Variants in ADAMTS19 observed in about 807,000 individuals in gnomAD.
ADAMTS19 encodes A disintegrin and metalloproteinase with thrombospondin motifs 19.
ADAMTS19 carries 93 observed loss-of-function variants against 153.3 expected under a neutral mutation model. That is an observed-to-expected ratio of 0.61 (90% confidence interval 0.51 to 0.72). ADAMTS19 has a LOEUF of 0.72. Ranked by LOEUF, ADAMTS19 falls within the 30% of genes least tolerant of loss-of-function variation. ADAMTS19 has a pLI of 0.00. For synonymous variants in ADAMTS19, 600 were observed against 556.6 expected (o/e 1.08, Z -1.10); for missense variants, 1,482 against 1,552.1 (o/e 0.95, Z 0.76).
intron 17 of ADAMTS19, among the ~76,000 whole-genome samples, chr5:129,682,851 A>G (rs1261874824): frequency 1.3e-5 from 2 of 152,140 alleles, no homozygotes; most frequent in African/African-American, 2.4e-5. Context: ...GCACATCAAA[A>G]TACATCTTAG....
chr5:129,736,445 A>G (rs1757670662), intron 22 of ADAMTS19, among the ~76,000 whole-genome samples: 1 of 152,098 alleles, frequency 6.6e-6, no homozygotes, highest in Non-Finnish European at 1.5e-5. Flanking sequence ...CTGTTTTACA[A>G]AAAGGGAGGC....
intron 14 of ADAMTS19, among the ~76,000 whole-genome samples, chr5:129,654,739 A>T (rs1229960492): frequency 6.6e-6 from 1 of 152,154 alleles, no homozygotes; most frequent in Non-Finnish European, 1.5e-5. Flanking sequence ...TTATGTCAAA[A>T]TATTTCAGAC....
intron 6 of ADAMTS19, among the ~76,000 whole-genome samples, chr5:129,551,535 T>G (rs2126823053): frequency 6.7e-6 from 1 of 148,872 alleles, no homozygotes; most frequent in South Asian, 2.1e-4. Context: ...ATTTTTCAAA[T>G]GGAAAGCCTT....
At chr5:129,466,703 A>G (rs1398009549) in intron 2 of ADAMTS19, among the ~76,000 whole-genome samples, 1 of 152,220 alleles carries the variant, frequency 6.6e-6, no homozygotes, top group Non-Finnish European at 1.5e-5. Flanking sequence ...ATAGGAATGC[A>G]TTTAAAAAAT....
intron 3 of ADAMTS19, 53 bp downstream of exon 3, chr5:129,509,295 T>C: frequency 6.6e-7 from 1 of 1,503,908 alleles, no homozygotes; most frequent in Non-Finnish European, 9.0e-7. Flanking sequence ...GTGAGATGAC[T>C]ACTTTAAAAA....
intron 10 of ADAMTS19, among the ~76,000 whole-genome samples, chr5:129,627,084 C>T (rs1752084191): frequency 6.6e-6 from 1 of 151,962 alleles, no homozygotes; most frequent in Non-Finnish European, 1.5e-5. Context: ...ATTACACATC[C>T]AAGTAGGAAT....
chr5:129,493,070 A>T (rs1207058649), intron 2 of ADAMTS19, among the ~76,000 whole-genome samples: 2 of 152,150 alleles, frequency 1.3e-5, no homozygotes, highest in Non-Finnish European at 2.9e-5. Context: ...TCTAATTTTG[A>T]ATTTAACCCA....
At position 129,622,304 on chromosome 5, in the gene ADAMTS19, C is replaced by A; in HGVS notation, c.1726C>A (p.Gln576Lys). ...GMTYTADEQCQILFGPLASFC... is the reference protein window; with the variant it reads ...GMTYTADEQCKILFGPLASFC... ...GACATACACTGCTGATGAACAATGC[C>A]AGATCCTTTTTGGGCCATTGGCTTC... Residue 576 changes from glutamine (Q) to lysine (K), a missense_variant, in exon 10 of 23, where the codon CAG becomes AAG. By Grantham distance (53) the Gln-to-Lys change is moderately conservative. Coordinates refer to ENST00000274487, the MANE Select transcript of ADAMTS19 (RefSeq NM_133638.6). 6.2e-7 allele frequency: 1 copy of A among 1,614,026 alleles called. No individual in the cohort carries two copies. Among genetic ancestry groups the A allele is most frequent in the South Asian group, 1.1e-5 (1 of 91,080 alleles).
At chr5:129,669,001 A>G (rs6868538) in intron 16 of ADAMTS19, among the ~76,000 whole-genome samples, 21 of 152,168 alleles carry the variant, frequency 1.4e-4, no homozygotes, top group African/African-American at 4.8e-4. Context: ...CTACAAAGCT[A>G]TGGTAATTAA....
chr5:129,671,348 C>T (rs1344318310), intron 16 of ADAMTS19, among the ~76,000 whole-genome samples: 1 of 152,072 alleles, frequency 6.6e-6, no homozygotes, highest in Non-Finnish European at 1.5e-5. Context: ...GTAATAGTAA[C>T]ACCAATGTAG....
At chr5:129,691,399 G>C (rs992391255) in intron 18 of ADAMTS19, among the ~76,000 whole-genome samples, 2 of 152,154 alleles carry the variant, frequency 1.3e-5, no homozygotes, top group Admixed American at 6.5e-5. Flanking sequence ...CAGGCAGAAG[G>C]TCAGTTATTT....
Position 129,620,662 on chromosome 5 carries a change from G to A in ADAMTS19, c.1523G>A (p.Gly508Asp), listed in dbSNP as rs1471070382. The A allele has an allele frequency of 2.5e-6, 4 of 1,612,514 alleles. No homozygotes were observed. The South Asian group carries it at 4.4e-5, about 18-fold the overall frequency. Residue 508 changes from glycine (G) to aspartate (D), a missense_variant, in exon 9 of 23, where the codon GGT (glycine) becomes GAT (aspartate). Transcript: ENST00000274487. ...HDNDHPSCAD[G>D]LHIMSGEWIK... ...AATGACCACCCATCGTGTGCTGATG[G>A]TCTTCATATCATGTCTGGTGAATGG...
At chr5:129,501,175 G>T (rs936988983) in intron 2 of ADAMTS19, among the ~76,000 whole-genome samples, 9 of 151,998 alleles carry the variant, frequency 5.9e-5, no homozygotes, top group Non-Finnish European at 1.2e-4. Flanking sequence ...GATCAGAAAA[G>T]ATTGTAGGAA....
chr5:129,640,973 C>T (rs971875686), intron 10 of ADAMTS19, among the ~76,000 whole-genome samples: 1 of 152,046 alleles, frequency 6.6e-6, no homozygotes, highest in Non-Finnish European at 1.5e-5. Flanking sequence ...TATGGGTGTG[C>T]ACCACCACAC....
At chr5:129,563,148 G>A (rs753070078) in intron 7 of ADAMTS19, among the ~76,000 whole-genome samples, 1 of 151,848 alleles carries the variant, frequency 6.6e-6, no homozygotes, top group Non-Finnish European at 1.5e-5. Flanking sequence ...AATCATTTTT[G>A]CCAGGTGAGA....
At chr5:129,593,742 C>G (rs1258473413) in intron 7 of ADAMTS19, among the ~76,000 whole-genome samples, 1 of 152,126 alleles carries the variant, frequency 6.6e-6, no homozygotes, top group African/African-American at 2.4e-5. Context: ...TTTGTTTCAG[C>G]CACTAGGATG....
Position 129,515,402 on chromosome 5 carries a change from A to C in ADAMTS19, c.913+6160A>C, listed in dbSNP as rs531915394. ...CTTTGAGTAGTATGGACATTTTAGCAATATTGATTCTTCCAACCCATGAAC... is the reference window on the plus strand; with the variant it reads ...CTTTGAGTAGTATGGACATTTTAGCCATATTGATTCTTCCAACCCATGAAC... On this transcript the variant is annotated intron_variant, in intron 3 of 22. Transcript: ENST00000274487. Among the ~76,000 whole-genome samples the C allele has an allele frequency of 2.1e-3, 323 of 151,960 alleles. 2 individuals are homozygous for C. The highest frequency in any genetic ancestry group is 7.2e-3 in the African/African-American group (297 of 41,520).
chr5:129,648,593 G>A (rs182146302), intron 12 of ADAMTS19, among the ~76,000 whole-genome samples: 3 of 151,814 alleles, frequency 2.0e-5, no homozygotes, highest in South Asian at 4.2e-4. Context: ...TATTTTGGAA[G>A]GTATATTGAT....
intron 10 of ADAMTS19, among the ~76,000 whole-genome samples, chr5:129,637,058 T>C (rs1016329633): frequency 1.1e-4 from 17 of 152,148 alleles, no homozygotes; most frequent in African/African-American, 1.9e-4. Flanking sequence ...TCTTTGAATA[T>C]ATCATAAATT....
Sources: allele counts gnomAD v4.1 joint callset (sites outside exome capture counted in the v4.1 genomes callset), GRCh38; gene constraint gnomAD v4.1.1; transcripts MANE v1.5; gene names NCBI Gene and HGNC (gene_info 2026-07-23, HGNC 2026-07-21).